The following ICA1 variants were observed in gnomAD, a reference collection of about 807,000 sequenced individuals.
ICA1 encodes islet cell autoantigen 1.
Under a neutral mutation model 71.0 loss-of-function variants are expected in ICA1, and 40 were observed. The observed-to-expected ratio is 0.56, with a 90% CI of 0.44 to 0.73. The LOEUF (loss-of-function observed/expected upper bound fraction) is 0.73. Among genes scored for constraint, ICA1 ranks in the 30% least tolerant of loss-of-function variants. The probability of loss-of-function intolerance (pLI) is 0.00; values close to 1 mark genes in which losing one functional copy is unlikely to be tolerated. For missense variants in ICA1, 578 were observed against 576.5 expected, an observed-to-expected ratio of 1.00 and a Z score of -0.03; for synonymous variants, 207 against 209.5, an observed-to-expected ratio of 0.99 and a Z score of 0.10.
chr7:8,211,603 A>G (rs1282359200), intron 6 of ICA1, among the ~76,000 whole-genome samples: 1 of 152,216 alleles, frequency 6.6e-6, no homozygotes, highest in African/African-American at 2.4e-5. Context: ...AATGTTCTAC[A>G]GTTCCATTGC....
intron 12 of ICA1, 106 bp downstream of exon 12, chr7:8,138,734 G>T: frequency 1.0e-6 from 1 of 969,634 alleles, no homozygotes; most frequent in Non-Finnish European, 1.6e-6. Context: ...ACTTTCCTTT[G>T]GAATGCAAAG....
chr7:8,172,455 A>C (rs1313683084), intron 6 of ICA1, among the ~76,000 whole-genome samples: 1 of 152,104 alleles, frequency 6.6e-6, no homozygotes, highest in African/African-American at 2.4e-5. Flanking sequence ...TTTTGAATAA[A>C]TCTGTTTCTT....
intron 1 of ICA1, among the ~76,000 whole-genome samples, chr7:8,249,068 A>C (rs1243570776): frequency 6.6e-6 from 1 of 152,204 alleles, no homozygotes; most frequent in Admixed American, 6.5e-5. Context: ...TGTGCCCCAG[A>C]CTTTTGCGGC....
At chr7:8,213,828 T>A (rs1794588254) in intron 6 of ICA1, among the ~76,000 whole-genome samples, 1 of 152,166 alleles carries the variant, frequency 6.6e-6, no homozygotes, top group Non-Finnish European at 1.5e-5. Context: ...CAACATTTGT[T>A]AATAAACCTT....
At chr7:8,167,261 G>A (rs959064431) in intron 6 of ICA1, among the ~76,000 whole-genome samples, 3 of 152,090 alleles carry the variant, frequency 2.0e-5, no homozygotes, top group Admixed American at 2.0e-4. Flanking sequence ...AGGAAAATGC[G>A]GTACATATGC....
At chr7:8,122,634 T>C (rs761671482) in intron 13 of ICA1, among the ~76,000 whole-genome samples, 12 of 152,194 alleles carry the variant, frequency 7.9e-5, no homozygotes, top group Non-Finnish European at 1.6e-4. Flanking sequence ...GGAATGTCCA[T>C]TACCTGGAGC....
chr7:8,137,622 T>G (rs903907181), intron 12 of ICA1, among the ~76,000 whole-genome samples: 5 of 152,264 alleles, frequency 3.3e-5, no homozygotes, highest in African/African-American at 1.2e-4. Flanking sequence ...TGCTTATTAC[T>G]TCCACTACCT....
At chr7:8,207,125 G>A (rs1008676190) in intron 6 of ICA1, among the ~76,000 whole-genome samples, 1 of 152,186 alleles carries the variant, frequency 6.6e-6, no homozygotes, top group Non-Finnish European at 1.5e-5. Context: ...GAACCACAGT[G>A]AGGAATCAGC....
chr7:8,162,881 G>A (rs113933952), intron 6 of ICA1, among the ~76,000 whole-genome samples: 5,230 of 152,058 alleles, frequency 0.034, 144 homozygotes, highest in South Asian at 0.12. Context: ...CTCCTGCCTC[G>A]GCCTCCCTAG....
At chr7:8,159,162 A>G (rs983285861) in intron 6 of ICA1, among the ~76,000 whole-genome samples, 1 of 152,182 alleles carries the variant, frequency 6.6e-6, no homozygotes, top group Admixed American at 6.5e-5. Context: ...TTTTCCCACT[A>G]ATGTCCTTTT....
intron 8 of ICA1, among the ~76,000 whole-genome samples, chr7:8,152,049 C>T (rs1450308901): frequency 6.6e-6 from 1 of 152,160 alleles, no homozygotes; most frequent in Non-Finnish European, 1.5e-5. Context: ...GCCCTACTGC[C>T]TTTCCTGCCT....
In ICA1 at chr7:8,173,916, CAATA is replaced by C. The variant is rs1374998027; in HGVS notation, c.580-15268_580-15265del. ...TTATGTTGTAGTGGGTGAAACTGGA[CAATA>C]AATAACAAAAGTAAACATATTGTCT... On this transcript the variant is annotated intron_variant, in intron 6 of 13. Transcript: ENST00000402384. The surrounding 1 kb of genome is among the most constrained non-coding windows in gnomAD (Gnocchi z 4.0). 6.6e-6 allele frequency among the ~76,000 whole-genome samples: 1 copy of C among 151,836 alleles called. No individual in the cohort carries two copies.
Position 8,222,495 on chromosome 7 carries a change from G to A in ICA1, c.257-1097C>T, listed in dbSNP as rs1238038824. Reference sequence around the variant, plus strand: ...GATTCTTGTCAGCTTTCACAAACCAGTCACTTTTCTTTAAGAATGCACCCC... The same window carrying A: ...GATTCTTGTCAGCTTTCACAAACCAATCACTTTTCTTTAAGAATGCACCCC... On this transcript the variant is annotated intron_variant, in intron 4 of 13. Transcript: ENST00000402384. This position sits in a 1 kb window ranked among gnomAD's most constrained non-coding sequence, Gnocchi z 4.8. Among the ~76,000 whole-genome samples, 1 of 152,148 alleles carries A rather than the reference G, an allele frequency of 6.6e-6. No individual in the cohort carries two copies. Among genetic ancestry groups the A allele is most frequent in the African/African-American group, 2.4e-5 (1 of 41,436 alleles).
rs1345790105 is a variant in ICA1 at position 8,173,951 on chromosome 7, T to C, written c.580-15299A>G. ...CAAAAGTAAACATATTGTCTGTTGG[T>C]GAAAATAAAGCATTGTAAGAAAGAT... On this transcript the variant is annotated intron_variant, in intron 6 of 13. Transcript: ENST00000402384. This position sits in a 1 kb window ranked among gnomAD's most constrained non-coding sequence, Gnocchi z 4.0. Among the ~76,000 whole-genome samples, 1 of 152,092 alleles carries C rather than the reference T, an allele frequency of 6.6e-6. No individual in the cohort carries two copies. The highest frequency in any genetic ancestry group is 1.9e-4 in the East Asian group (1 of 5,200).
In ICA1 at chr7:8,224,485, G is replaced by C. The variant is rs146575272; in HGVS notation, c.257-3087C>G. ...ATTAAACCTTTTAGTTTGAAATAATGATAGACTTACAGAAAAATTACAAAC... is the reference window on the plus strand; with the variant it reads ...ATTAAACCTTTTAGTTTGAAATAATCATAGACTTACAGAAAAATTACAAAC... On this transcript the variant is annotated intron_variant, in intron 4 of 13. Transcript: ENST00000402384. 9.2e-3 allele frequency among the ~76,000 whole-genome samples: 1,407 copies of C among 152,276 alleles called. 16 individuals carry two copies. The highest frequency in any genetic ancestry group is 0.03 in the African/African-American group (1,262 of 41,550).
intron 8 of ICA1, among the ~76,000 whole-genome samples, chr7:8,152,798 C>CACCATCACT (rs1799800757): frequency 5.6e-4 from 2 of 3,592 alleles, no homozygotes; most frequent in Non-Finnish European, 1.4e-3. Flanking sequence ...CCATCACCTC[C>CACCATCACT]ACCACCACCA....
chr7:8,163,254 C>A (rs1188569892), intron 6 of ICA1, among the ~76,000 whole-genome samples: 9 of 152,222 alleles, frequency 5.9e-5, no homozygotes, highest in Non-Finnish European at 1.3e-4. Flanking sequence ...GAAGCCAAAG[C>A]TATTCGTACT....
intron 6 of ICA1, among the ~76,000 whole-genome samples, chr7:8,167,575 G>A (rs1235536996): frequency 2.0e-5 from 3 of 151,852 alleles, no homozygotes; most frequent in South Asian, 2.1e-4. Flanking sequence ...CAAACCCCCC[G>A]GCATGTAATT....
rs1413485158 is a variant in ICA1, at chr7:8,228,646, G to T, written c.211C>A (p.Leu71Met). The T allele has an allele frequency of 1.2e-6, 2 of 1,600,740 alleles. No individual in the cohort carries two copies. Among genetic ancestry groups the T allele is most frequent in the Non-Finnish European group, 1.7e-6 (2 of 1,173,400 alleles). The change falls in exon 4 of 14, where the codon CTG becomes ATG. Residue 71 changes from leucine (L) to methionine (M), a missense_variant. By Grantham distance (15) the Leu-to-Met change is conservative. Transcript: ENST00000402384. ...ELFHSIQRTC[L>M]DLSKAIVLYQ... is the part of the protein sequence containing the mutation. ...AGTACAATTGCTTTCGATAAGTCCA[G>T]ACAGGTTCTCTGAATTGAATGAAAC... is the stretch of plus-strand genomic sequence containing the variant.
Sources: gnomAD v4.1 joint callset for allele counts (sites outside exome capture counted in the v4.1 genomes callset) on GRCh38, gnomAD v4.1.1 for gene constraint, Gnocchi (gnomAD v3.1) non-coding constraint, MANE v1.5 for transcripts, NCBI Gene and HGNC (gene_info 2026-07-23, HGNC 2026-07-21) for gene names.